VAMP7: variants seen among roughly 807,000 people sequenced by gnomAD.
The protein encoded by VAMP7 is vesicle associated membrane protein 7, also known as vesicle-associated membrane protein 7.
VAMP7 carries 14 observed loss-of-function variants against 29.6 expected under a neutral mutation model. The ratio of observed to expected loss-of-function variants is 0.47; its 90% CI spans 0.31 to 0.74. VAMP7 has a LOEUF of 0.74. Among genes scored for constraint, VAMP7 ranks in the 30% least tolerant of loss-of-function variants. VAMP7 has a pLI of 0.05. For synonymous variants in VAMP7, 95 were observed against 88.1 expected, an observed-to-expected ratio of 1.08 and a Z score of -0.44; for missense variants, 223 against 262.4, an observed-to-expected ratio of 0.85 and a Z score of 1.04.
At chrX:155,937,187 G>T (rs1006146031) in intron 6 of VAMP7, among the ~76,000 whole-genome samples, 10 of 152,054 alleles carry the variant, frequency 6.6e-5, no homozygotes, top group Admixed American at 3.9e-4. Context: ...AATACTGTAT[G>T]ATTTCACTTA....
intron 5 of VAMP7, among the ~76,000 whole-genome samples, chrX:155,916,655 C>A (rs2066318116): frequency 6.6e-6 from 1 of 152,160 alleles, no homozygotes; most frequent in Admixed American, 6.5e-5. Context: ...GTTGAAAATT[C>A]TTTTCTTTAA....
At chrX:155,895,811 C>A in intron 3 of VAMP7, 131 bp downstream of exon 3, 2 of 642,330 alleles carry the variant, frequency 3.1e-6, no homozygotes, top group East Asian at 2.6e-5. Flanking sequence ...TGTTAGGAAC[C>A]AGGCCACATA....
At chrX:155,901,043 A>C (rs1421269388) in intron 5 of VAMP7, among the ~76,000 whole-genome samples, 1 of 152,018 alleles carries the variant, frequency 6.6e-6, no homozygotes, top group African/African-American at 2.4e-5. Flanking sequence ...TGCTATGAAA[A>C]TGTCAATTGG....
Position 155,889,533 on chromosome X carries a change from G to A in VAMP7, c.67G>A (p.Gly23Arg). The A allele has an allele frequency of 6.2e-7, 1 of 1,613,918 alleles. No homozygotes were observed. Among genetic ancestry groups the A allele is most frequent in the Non-Finnish European group, 8.5e-7 (1 of 1,179,856 alleles). ...TILAKHAWCG[G>R]NFLEVTEQIL... is the part of the protein sequence containing the mutation. ...CCTTGCCAAACATGCTTGGTGTGGAGGAAACTTCCTGGAGGTGACAGAGCA... is the reference window on the plus strand; with the variant it reads ...CCTTGCCAAACATGCTTGGTGTGGAAGAAACTTCCTGGAGGTGACAGAGCA... The change falls in exon 2 of 8, where the codon GGA (glycine) becomes AGA (arginine). Residue 23 changes from glycine (G) to arginine (R), a missense_variant. Coordinates refer to ENST00000286448, the MANE Select transcript of VAMP7 (RefSeq NM_005638.6).
At chrX:155,912,778 G>C (rs2066256383) in intron 5 of VAMP7, among the ~76,000 whole-genome samples, 1 of 152,122 alleles carries the variant, frequency 6.6e-6, no homozygotes, top group East Asian at 1.9e-4. Flanking sequence ...CATTTGGGTT[G>C]GTTCCAAGTC....
At chrX:155,907,587 G>C (rs1226355528) in intron 5 of VAMP7, among the ~76,000 whole-genome samples, 2 of 151,542 alleles carry the variant, frequency 1.3e-5, no homozygotes, top group Non-Finnish European at 2.9e-5. Flanking sequence ...CACAGGGTTG[G>C]GGGTAAGGTC....
intron 6 of VAMP7, among the ~76,000 whole-genome samples, chrX:155,931,798 A>G (rs1209981037): frequency 3.9e-5 from 6 of 152,172 alleles, no homozygotes; most frequent in African/African-American, 1.4e-4. Context: ...TATGTCCTCA[A>G]TGGTATTACC....
intron 3 of VAMP7, among the ~76,000 whole-genome samples, chrX:155,897,883 T>C (rs2066007374): frequency 6.6e-6 from 1 of 152,152 alleles, no homozygotes; most frequent in South Asian, 2.1e-4. Context: ...TGACCAGATA[T>C]ATCTGGATTC....
intron 1 of VAMP7, among the ~76,000 whole-genome samples, 174 bp downstream of exon 1, chrX:155,881,622 C>T (rs1396234343): frequency 2.0e-5 from 3 of 152,030 alleles, no homozygotes; most frequent in African/African-American, 7.3e-5. Context: ...CGAGGTGCGT[C>T]TTATGCCACT....
intron 2 of VAMP7, among the ~76,000 whole-genome samples, chrX:155,894,615 T>TTTG (rs1278247211): frequency 6.6e-6 from 1 of 152,022 alleles, no homozygotes; most frequent in Non-Finnish European, 1.5e-5. Flanking sequence ...CTCACTTTTT[T>TTTG]TTGTTGTTGT....
At chrX:155,888,965 TAA>T (rs1373555088) in intron 1 of VAMP7, among the ~76,000 whole-genome samples, 2 of 152,204 alleles carry the variant, frequency 1.3e-5, no homozygotes, top group African/African-American at 4.8e-5. Context: ...ATAAAGTATT[TAA>T]AATGGTACCT....
At chrX:155,911,189 A>C (rs1346699120) in intron 5 of VAMP7, among the ~76,000 whole-genome samples, 2 of 152,162 alleles carry the variant, frequency 1.3e-5, no homozygotes, top group African/African-American at 4.8e-5. Flanking sequence ...TTATTGAAGA[A>C]AGTGTCCTTT....
At chrX:155,913,237 A>C (rs911561796) in intron 5 of VAMP7, among the ~76,000 whole-genome samples, 6 of 151,920 alleles carry the variant, frequency 3.9e-5, no homozygotes, top group African/African-American at 1.4e-4. Context: ...TTTTCTTGTA[A>C]ATTTGTTTAA....
intron 2 of VAMP7, among the ~76,000 whole-genome samples, chrX:155,894,618 G>T (rs28482405): frequency 0.011 from 1,617 of 151,344 alleles, 29 homozygotes; most frequent in African/African-American, 0.037. Flanking sequence ...ACTTTTTTTT[G>T]TTGTTGTTGT....
At chrX:155,927,377 T>TA (rs1031343127) in intron 6 of VAMP7, among the ~76,000 whole-genome samples, 47 of 89,450 alleles carry the variant, frequency 5.3e-4, no homozygotes, top group African/African-American at 2.1e-3. Flanking sequence ...ATAATAATAA[T>TA]AAAAAGAAAC....
At chrX:155,922,086 T>A (rs1370786236) in intron 6 of VAMP7, among the ~76,000 whole-genome samples, 1 of 152,060 alleles carries the variant, frequency 6.6e-6, no homozygotes, top group Admixed American at 6.5e-5. Flanking sequence ...AATTTTTAAA[T>A]TTTGTTTCTA....
In VAMP7 at chrX:155,889,499, G is replaced by T; in HGVS notation, c.33G>T (p.Gly11=). 6.2e-7 allele frequency: 1 copy of T among 1,613,740 alleles called. No individual in the cohort carries two copies. The highest frequency in any genetic ancestry group is 8.5e-7 in the Non-Finnish European group (1 of 1,179,760). The change falls in exon 2 of 8, where the codon GGG becomes GGT. Residue 11 remains glycine, a synonymous_variant. Transcript: ENST00000286448. MAILFAVVAR[G]TTILAKHAWC... ...TTCTTTTTGCTGTTGTTGCCAGGGG[G>T]ACCACTATCCTTGCCAAACATGCTT...
In VAMP7 at chrX:155,919,875, G is replaced by C; in HGVS notation, c.496G>C (p.Asp166His). The C allele has an allele frequency of 1.2e-6, 2 of 1,611,170 alleles. No homozygotes were observed. Among genetic ancestry groups the C allele is most frequent in the Non-Finnish European group, 1.7e-6 (2 of 1,177,786 alleles). ...GATTGACAAAACAGAAAATCTTGTG[G>C]ATTCTGTAAGTATGGAATCTGATAA... Reference protein sequence around the residue: ...LLIDKTENLVDSSVTFKTTSR... With the variant: ...LLIDKTENLVHSSVTFKTTSR... The change falls in exon 6 of 8, where the codon GAT becomes CAT. Residue 166 changes from aspartate (D) to histidine (H), a missense_variant. Transcript: ENST00000286448.
intron 5 of VAMP7, among the ~76,000 whole-genome samples, chrX:155,912,887 T>C (rs1012140185): frequency 6.6e-6 from 1 of 152,166 alleles, no homozygotes; most frequent in Non-Finnish European, 1.5e-5. Context: ...ATAATGGGAT[T>C]GCTGGGTCAA....
Sources: gnomAD v4.1 joint callset for allele counts (sites outside exome capture counted in the v4.1 genomes callset) on GRCh38, gnomAD v4.1.1 for gene constraint, MANE v1.5 for transcripts, NCBI Gene and HGNC (gene_info 2026-07-23, HGNC 2026-07-21) for gene names.